TTC1: variants seen among roughly 807,000 people sequenced by gnomAD.
TTC1 encodes tetratricopeptide repeat protein 1.
In TTC1, 31 loss-of-function variants were observed where a neutral mutation model predicts 37.6. The observed-to-expected ratio is 0.82, with a 90% CI of 0.62 to 1.11. The LOEUF (loss-of-function observed/expected upper bound fraction) is 1.11. TTC1 is among the 50% of genes most tolerant of loss of function. The probability of loss-of-function intolerance (pLI) is 0.00; values close to 1 mark genes in which losing one functional copy is unlikely to be tolerated. For synonymous variants in TTC1, 127 were observed against 122.4 expected, an observed-to-expected ratio of 1.04 and a Z score of -0.25; for missense variants, 351 against 339.0, an observed-to-expected ratio of 1.04 and a Z score of -0.28.
At chr5:160,019,222 G>A (rs1333926935) in intron 2 of TTC1, among the ~76,000 whole-genome samples, 1 of 152,110 alleles carries the variant, frequency 6.6e-6, no homozygotes, top group Non-Finnish European at 1.5e-5. Context: ...TGGTATCTGG[G>A]ATTTTAAAAC....
chr5:160,028,490 T>G (rs1756848717), intron 2 of TTC1, among the ~76,000 whole-genome samples: 1 of 152,098 alleles, frequency 6.6e-6, no homozygotes, highest in African/African-American at 2.4e-5. Context: ...TTATTCTTTT[T>G]ATTTTTATTT....
intron 5 of TTC1, 117 bp from the exon 6 acceptor site, chr5:160,049,397 G>C (rs1464067585): frequency 1.0e-6 from 1 of 998,752 alleles, no homozygotes; most frequent in Admixed American, 3.3e-5. Context: ...GTATACACTT[G>C]GCAAATGACT....
chr5:160,017,337 T>C (rs937962710), intron 2 of TTC1, among the ~76,000 whole-genome samples: 3 of 152,202 alleles, frequency 2.0e-5, no homozygotes, highest in Admixed American at 1.3e-4. Flanking sequence ...CCAGCAATTT[T>C]AGTGTCTGGT....
intron 5 of TTC1, among the ~76,000 whole-genome samples, chr5:160,048,328 T>G (rs369857858): frequency 2.6e-5 from 4 of 151,946 alleles, no homozygotes; most frequent in South Asian, 2.1e-4. Flanking sequence ...ATTTTTGTAT[T>G]TTTAGTAGTG....
At chr5:160,050,849 C>T (rs375829332) in intron 6 of TTC1, among the ~76,000 whole-genome samples, 41 of 152,156 alleles carry the variant, frequency 2.7e-4, no homozygotes, top group African/African-American at 9.4e-4. Flanking sequence ...TGGTCTCAAA[C>T]TCCTGAGCTC....
intron 2 of TTC1, among the ~76,000 whole-genome samples, chr5:160,031,458 CAAAAAATT>C (rs1187433547): frequency 1.3e-5 from 2 of 151,382 alleles, no homozygotes; most frequent in Non-Finnish European, 2.9e-5. Flanking sequence ...ACTAAAAATA[CAAAAAATT>C]AGCCAGGTGT....
intron 2 of TTC1, among the ~76,000 whole-genome samples, chr5:160,013,645 C>T (rs530915954): frequency 5.1e-4 from 77 of 150,360 alleles, no homozygotes; most frequent in African/African-American, 1.7e-3. Flanking sequence ...TGGGAGGCTG[C>T]GGCAGGAGAA....
chr5:160,035,574 G>C (rs1256830400), intron 3 of TTC1, among the ~76,000 whole-genome samples: 1 of 152,250 alleles, frequency 6.6e-6, no homozygotes, highest in African/African-American at 2.4e-5. Context: ...TGTGAAAGCA[G>C]CCTGACTGCT....
intron 4 of TTC1, among the ~76,000 whole-genome samples, chr5:160,042,217 G>A (rs187949584): frequency 2.0e-5 from 3 of 152,306 alleles, no homozygotes; most frequent in Non-Finnish European, 2.9e-5. Context: ...GGCATGAGCC[G>A]CTGCGTCCAG....
intron 2 of TTC1, among the ~76,000 whole-genome samples, chr5:160,031,863 G>C (rs1756915772): frequency 6.6e-6 from 1 of 151,888 alleles, no homozygotes; most frequent in African/African-American, 2.4e-5. Flanking sequence ...AATTACCTAG[G>C]GGCAGTGGTG....
chr5:160,021,042 G>C (rs1438673815), intron 2 of TTC1, among the ~76,000 whole-genome samples: 1 of 152,206 alleles, frequency 6.6e-6, no homozygotes, highest in Non-Finnish European at 1.5e-5. Context: ...TGGCAGAAAA[G>C]TTAAAATGAC....
At position 160,036,794 on chromosome 5, in the gene TTC1, G is replaced by A. The variant is rs534975296; in HGVS notation, c.495G>A (p.Arg165=). ...TATTTTCAAATAGAGCTGCAGCAAG[G>A]ATGAAACAGGTATGTATCTGTGACC... is the stretch of plus-strand genomic sequence containing the variant. ...SILFSNRAAA[R]MKQDKKEMAI... Residue 165 remains arginine, a synonymous_variant, in exon 4 of 8, where the codon AGG becomes AGA. Transcript: ENST00000231238. 14 of 1,610,714 alleles carry A rather than the reference G, an allele frequency of 8.7e-6. 1 individual carries two copies. In the South Asian group the frequency reaches 1.5e-4, roughly 18 times the overall value.
At chr5:160,037,685 G>C (rs1280137035) in intron 4 of TTC1, among the ~76,000 whole-genome samples, 1 of 152,004 alleles carries the variant, frequency 6.6e-6, no homozygotes, top group Admixed American at 6.5e-5. Context: ...TGGGCGACAA[G>C]AGCAAAACTC....
rs534145023 is a variant in TTC1 at position 160,035,000 on chromosome 5, C to T, written c.331-140C>T. On this transcript the variant is annotated intron_variant, in intron 2 of 7. Transcript: ENST00000231238. Reference sequence around the variant, plus strand: ...GTGTTTTTTTTCCTCTATCACTGTACAAGGTTTTGGTGAAACTGATGCAGT... The same window carrying T: ...GTGTTTTTTTTCCTCTATCACTGTATAAGGTTTTGGTGAAACTGATGCAGT... 5.0e-5 allele frequency: 29 copies of T among 582,236 alleles called. No homozygotes were observed. In the African/African-American group the frequency reaches 5.3e-4, roughly 11 times the overall value. 36.1% of individuals were successfully genotyped at this position (582,236 alleles called of 1,614,324 possible).
chr5:160,063,411 C>T lies in TTC1; in HGVS notation c.746-1521C>T, dbSNP rs114171498. Reference sequence around the variant, plus strand: ...TTAAATTTTTGTAGATACAGGGTCTCCCTATGTTGCCCAGGCTGGTCTCAA... The same window carrying T: ...TTAAATTTTTGTAGATACAGGGTCTTCCTATGTTGCCCAGGCTGGTCTCAA... On this transcript the variant is annotated intron_variant, in intron 7 of 7. Transcript: ENST00000231238. 955 of 152,646 alleles carry T rather than the reference C, an allele frequency of 6.3e-3. 7 individuals are homozygous for T. Among genetic ancestry groups the T allele is most frequent in the Non-Finnish European group, 0.01 (689 of 68,372 alleles). The allele number at this position is 152,646 out of a possible 1,614,324, so 9.5% of individuals were successfully genotyped here.
intron 7 of TTC1, among the ~76,000 whole-genome samples, chr5:160,062,361 C>G (rs575195655): frequency 6.6e-6 from 1 of 152,182 alleles, no homozygotes. Context: ...CTCTGGAGCA[C>G]GGTGACATGC....
intron 4 of TTC1, among the ~76,000 whole-genome samples, chr5:160,037,069 A>G (rs1292235858): frequency 1.3e-5 from 2 of 152,212 alleles, no homozygotes; most frequent in Admixed American, 1.3e-4. Context: ...GGTCAGGTTA[A>G]TGAAGCAATG....
chr5:160,046,605 T>C (rs1221928526), intron 5 of TTC1, among the ~76,000 whole-genome samples: 1 of 151,838 alleles, frequency 6.6e-6, no homozygotes, highest in African/African-American at 2.4e-5. Flanking sequence ...TTTCAAAACA[T>C]GTTATGTTAT....
chr5:160,023,547 T>G (rs1756749938), intron 2 of TTC1, among the ~76,000 whole-genome samples: 1 of 152,168 alleles, frequency 6.6e-6, no homozygotes, highest in Non-Finnish European at 1.5e-5. Context: ...GTCAAGAAAC[T>G]TATAATTCAG....
Sources: allele counts gnomAD v4.1 joint callset (sites outside exome capture counted in the v4.1 genomes callset), GRCh38; gene constraint gnomAD v4.1.1; transcripts MANE v1.5; gene names NCBI Gene and HGNC (gene_info 2026-07-23, HGNC 2026-07-21).